Variants in XNDC1N observed in about 807,000 individuals in gnomAD.
The protein encoded by XNDC1N is protein XNDC1N.
At chr11:71,888,409 G>A in the XNDC1N span, among the ~76,000 whole-genome samples, 2 of 152,194 alleles carry the variant, frequency 1.3e-5, no homozygotes, top group East Asian at 1.9e-4. Flanking sequence ...CACCAAGGGG[G>A]CGGGGACCGG....
the XNDC1N span, among the ~76,000 whole-genome samples, chr11:71,887,627 C>T: frequency 6.6e-6 from 1 of 152,230 alleles, no homozygotes; most frequent in South Asian, 2.1e-4. Flanking sequence ...CAGAGAAGCC[C>T]TTCAAGGTAT....
At chr11:71,927,723 T>C in the XNDC1N span, 3 of 152,222 alleles carry the variant, frequency 2.0e-5, no homozygotes, top group South Asian at 2.1e-4. Context: ...TATTGTATTA[T>C]CTAGCTTTTA....
the XNDC1N span, among the ~76,000 whole-genome samples, chr11:71,890,664 A>T: frequency 2.6e-5 from 4 of 152,152 alleles, no homozygotes; most frequent in Non-Finnish European, 5.9e-5. Context: ...TATCAGAAAC[A>T]ATATCACAGG....
chr11:71,878,112 C>T, the XNDC1N span, among the ~76,000 whole-genome samples: 1 of 152,192 alleles, frequency 6.6e-6, no homozygotes, highest in African/African-American at 2.4e-5. Flanking sequence ...AAAATGAATG[C>T]TTTTCCTCTA....
At chr11:71,899,822 G>A in the XNDC1N span, among the ~76,000 whole-genome samples, 1 of 152,178 alleles carries the variant, frequency 6.6e-6, no homozygotes, top group Non-Finnish European at 1.5e-5. Flanking sequence ...GTGCTGAGGT[G>A]GATTAGTCAA....
chr11:71,893,270 C>T, the XNDC1N span: 5 of 460,000 alleles, frequency 1.1e-5, no homozygotes, highest in Non-Finnish European at 2.0e-5. Context: ...GAACAGAAAG[C>T]CTTGTATAGC....
chr11:71,923,536 C>T, the XNDC1N span: 1 of 591,540 alleles, frequency 1.7e-6, no homozygotes, highest in East Asian at 2.8e-5. Context: ...GAGTTACTTG[C>T]AGCAGTCAGT....
the XNDC1N span, among the ~76,000 whole-genome samples, chr11:71,878,778 G>T: frequency 7.9e-5 from 12 of 151,588 alleles, no homozygotes; most frequent in Non-Finnish European, 1.0e-4. Flanking sequence ...GTGAGCTTGG[G>T]AGTTCTAGAC....
chr11:71,889,746 A>G, the XNDC1N span, among the ~76,000 whole-genome samples: 2 of 152,204 alleles, frequency 1.3e-5, no homozygotes, highest in African/African-American at 4.8e-5. Flanking sequence ...TGCCCGGCAT[A>G]AGAGCTTCTG....
the XNDC1N span, among the ~76,000 whole-genome samples, chr11:71,906,084 A>G: frequency 6.6e-6 from 1 of 151,722 alleles, no homozygotes; most frequent in Non-Finnish European, 1.5e-5. Flanking sequence ...CATTAGTAGT[A>G]GTACCCAGCT....
chr11:71,870,353 C>A, the XNDC1N span, among the ~76,000 whole-genome samples: 1 of 152,160 alleles, frequency 6.6e-6, no homozygotes, highest in Non-Finnish European at 1.5e-5. Context: ...CAAGGCTCAG[C>A]TCATTACTCC....
the XNDC1N span, among the ~76,000 whole-genome samples, chr11:71,909,519 G>A: frequency 6.6e-6 from 1 of 152,202 alleles, no homozygotes; most frequent in Non-Finnish European, 1.5e-5. Context: ...TGCTCAACCT[G>A]GCAGAAGGGT....
At chr11:71,917,633 T>C in the XNDC1N span, 1 of 703,602 alleles carries the variant, frequency 1.4e-6, no homozygotes. Context: ...TCTTTAAACA[T>C]GCGGACCCCG....
At chr11:71,889,003 C>A in the XNDC1N span, among the ~76,000 whole-genome samples, 1 of 152,200 alleles carries the variant, frequency 6.6e-6, no homozygotes, top group Non-Finnish European at 1.5e-5. Context: ...TGGATGGGAG[C>A]AGCTTCTTCA....
the XNDC1N span, among the ~76,000 whole-genome samples, chr11:71,896,234 G>A: frequency 6.6e-6 from 1 of 152,172 alleles, no homozygotes; most frequent in Admixed American, 6.5e-5. Flanking sequence ...AGCCCGGACT[G>A]TGCCTGTGTA....
chr11:71,886,272 G>C, the XNDC1N span, among the ~76,000 whole-genome samples: 1 of 152,068 alleles, frequency 6.6e-6, no homozygotes, highest in South Asian at 2.1e-4. Flanking sequence ...ACCCCACCTG[G>C]GCTGATTGGC....
At chr11:71,914,750 C>A in the XNDC1N span, among the ~76,000 whole-genome samples, 1 of 151,614 alleles carries the variant, frequency 6.6e-6, no homozygotes, top group South Asian at 2.1e-4. Context: ...GAGGATGTGA[C>A]AGAATTACTG....
the XNDC1N span, among the ~76,000 whole-genome samples, chr11:71,905,418 A>ACC: frequency 6.9e-4 from 105 of 151,344 alleles, no homozygotes; most frequent in Non-Finnish European, 1.2e-3. Flanking sequence ...TAAAAGTAAC[A>ACC]CCCCCCCTAG....
chr11:71,889,737 G>C, the XNDC1N span, among the ~76,000 whole-genome samples: 1 of 152,174 alleles, frequency 6.6e-6, no homozygotes, highest in Non-Finnish European at 1.5e-5. Context: ...TAGCTGTTCT[G>C]CCCGGCATAA....
Sources: gnomAD v4.1 joint callset for allele counts (sites outside exome capture counted in the v4.1 genomes callset) on GRCh38, gnomAD v4.1.1 for gene constraint, MANE v1.5 for transcripts, NCBI Gene and HGNC (gene_info 2026-07-23, HGNC 2026-07-21) for gene names.